The following DNM3 variants were observed in gnomAD, a reference collection of about 807,000 sequenced individuals.
DNM3 encodes the protein dynamin-3.
DNM3 carries 47 observed loss-of-function variants against 101.6 expected under a neutral mutation model. The ratio of observed to expected loss-of-function variants is 0.46; its 90% confidence interval spans 0.37 to 0.59. The LOEUF is 0.59. Among genes scored for constraint, DNM3 ranks in the 20% least tolerant of loss-of-function variants. The pLI is 0.00. For missense variants in DNM3, 849 were observed against 1,085.7 expected, an observed-to-expected ratio of 0.78 and a Z score of 3.06; for synonymous variants, 385 against 387.9, an observed-to-expected ratio of 0.99 and a Z score of 0.09.
intron 20 of DNM3, 99 bp from the exon 21 acceptor site, chr1:172,407,673 C>A: frequency 8.3e-7 from 1 of 1,201,580 alleles, no homozygotes; most frequent in Non-Finnish European, 1.2e-6. Context: ...CCTGTATGTG[C>A]ATGAGCATGT....
chr1:171,944,491 A>G (rs1339522752), intron 2 of DNM3, among the ~76,000 whole-genome samples: 2 of 151,306 alleles, frequency 1.3e-5, no homozygotes, highest in Non-Finnish European at 2.9e-5. Flanking sequence ...TCCTCCCACT[A>G]CCCGCTGCAG....
At chr1:172,185,744 C>T (rs1350115319) in intron 14 of DNM3, among the ~76,000 whole-genome samples, 1 of 152,072 alleles carries the variant, frequency 6.6e-6, no homozygotes, top group Non-Finnish European at 1.5e-5. Flanking sequence ...AGAACAACTG[C>T]TGAATAATCT....
chr1:172,200,380 C>T (rs187872569), intron 14 of DNM3, among the ~76,000 whole-genome samples: 287 of 152,074 alleles, frequency 1.9e-3, no homozygotes, highest in Non-Finnish European at 2.9e-3. Context: ...ACAGTTATGG[C>T]CTTAGGATAA....
At chr1:172,236,474 T>C (rs564868667) in intron 14 of DNM3, among the ~76,000 whole-genome samples, 23 of 152,244 alleles carry the variant, frequency 1.5e-4, no homozygotes, top group African/African-American at 5.3e-4. Flanking sequence ...ACATTGGTAG[T>C]TAAAAATAAG....
chr1:171,971,920 G>A (rs2044022406), intron 2 of DNM3, among the ~76,000 whole-genome samples: 1 of 152,164 alleles, frequency 6.6e-6, no homozygotes, highest in South Asian at 2.1e-4. Flanking sequence ...AAAAAGATCT[G>A]CTTCTAAAAG....
At chr1:171,908,987 T>C (rs1363462681) in intron 1 of DNM3, among the ~76,000 whole-genome samples, 1 of 152,182 alleles carries the variant, frequency 6.6e-6, no homozygotes, top group African/African-American at 2.4e-5. Context: ...CTCCCTTTTT[T>C]CCTTCCTTTT....
At chr1:172,188,809 G>A (rs1206246867) in intron 14 of DNM3, among the ~76,000 whole-genome samples, 2 of 152,056 alleles carry the variant, frequency 1.3e-5, no homozygotes, top group African/African-American at 2.4e-5. Flanking sequence ...AAACGAATAT[G>A]AGTTCCTGTT....
At chr1:172,113,620 C>CAAAAAAAA (rs34129992) in intron 13 of DNM3, among the ~76,000 whole-genome samples, 5 of 52,352 alleles carry the variant, frequency 9.6e-5, no homozygotes, top group Non-Finnish European at 1.5e-4. Flanking sequence ...AACTCTGTCT[C>CAAAAAAAA]AAAAAAAAAA....
intron 14 of DNM3, among the ~76,000 whole-genome samples, chr1:172,147,367 C>T (rs2057953219): frequency 6.6e-6 from 1 of 152,102 alleles, no homozygotes; most frequent in African/African-American, 2.4e-5. Context: ...ATGTATTGGG[C>T]CCTAGAAAGC....
At chr1:172,128,969 G>A (rs1371128078) in intron 13 of DNM3, among the ~76,000 whole-genome samples, 1 of 152,234 alleles carries the variant, frequency 6.6e-6, no homozygotes, top group African/African-American at 2.4e-5. Flanking sequence ...TGAAACGCAG[G>A]TACTATAGTA....
intron 13 of DNM3, among the ~76,000 whole-genome samples, chr1:172,105,383 A>G (rs960888949): frequency 6.6e-6 from 1 of 152,226 alleles, no homozygotes; most frequent in African/African-American, 2.4e-5. Flanking sequence ...TAGGTCATAC[A>G]ATGGATAAGT....
At chr1:172,118,023 A>G (rs1052647255) in intron 13 of DNM3, among the ~76,000 whole-genome samples, 5 of 152,202 alleles carry the variant, frequency 3.3e-5, no homozygotes, top group African/African-American at 1.2e-4. Context: ...GGTTTGCACA[A>G]GGTGAAAGCC....
chr1:172,408,851 T>C lies in DNM3; in HGVS notation c.*1010T>C. The C allele has an allele frequency of 1.0e-6, 1 of 985,336 alleles. No homozygotes were observed. The highest frequency in any genetic ancestry group is 1.2e-6 in the Non-Finnish European group (1 of 829,866). 61.0% of individuals were successfully genotyped at this position (985,336 alleles called of 1,614,324 possible). ...GTGTAACTGTATATCCATTCTAGGC[T>C]TTCTTAATAAATCTTGAGGCTATGG... On this transcript the variant is annotated 3_prime_UTR_variant, in exon 21 of 21. Transcript: ENST00000627582.
chr1:172,322,791 A>G (rs992291783), intron 16 of DNM3, among the ~76,000 whole-genome samples: 2 of 150,134 alleles, frequency 1.3e-5, no homozygotes, highest in African/African-American at 4.9e-5. Flanking sequence ...CCCTAGAACC[A>G]CCCACTCCTT....
intron 13 of DNM3, among the ~76,000 whole-genome samples, chr1:172,104,656 G>A (rs2147900175): frequency 6.6e-6 from 1 of 152,168 alleles, no homozygotes; most frequent in South Asian, 2.1e-4. Context: ...TTTAAAAAAT[G>A]TTTGATAGTA....
At chr1:172,404,176 T>C (rs1450134826) in intron 20 of DNM3, among the ~76,000 whole-genome samples, 2 of 152,132 alleles carry the variant, frequency 1.3e-5, no homozygotes, top group Non-Finnish European at 2.9e-5. Flanking sequence ...TAACTGCAAC[T>C]AGGCATATTT....
At chr1:172,320,019 T>G (rs1476966605) in intron 16 of DNM3, among the ~76,000 whole-genome samples, 1 of 151,794 alleles carries the variant, frequency 6.6e-6, no homozygotes, top group Non-Finnish European at 1.5e-5. Flanking sequence ...TAAGAAAATG[T>G]GGCACATATA....
At chr1:172,064,998 G>A (rs1342732969) in intron 10 of DNM3, among the ~76,000 whole-genome samples, 3 of 152,112 alleles carry the variant, frequency 2.0e-5, no homozygotes, top group Non-Finnish European at 2.9e-5. Context: ...TAAGCCCATG[G>A]GCAGTAAGCT....
intron 2 of DNM3, among the ~76,000 whole-genome samples, chr1:171,934,020 AT>A (rs1196590467): frequency 6.6e-6 from 1 of 152,212 alleles, no homozygotes; most frequent in East Asian, 1.9e-4. Flanking sequence ...TCTCATTTCC[AT>A]TAGTTCTGTC....
Sources: gnomAD v4.1 joint callset for allele counts (sites outside exome capture counted in the v4.1 genomes callset) on GRCh38, gnomAD v4.1.1 for gene constraint, MANE v1.5 for transcripts, NCBI Gene and HGNC (gene_info 2026-07-23, HGNC 2026-07-21) for gene names.